The following CYP7B1 variants were observed in gnomAD, a reference collection of about 807,000 sequenced individuals.
CYP7B1 encodes the protein cytochrome P450 family 7 subfamily B member 1.
Under a neutral mutation model 42.7 loss-of-function variants are expected in CYP7B1, and 29 were observed. The observed-to-expected ratio is 0.68, with a 90% confidence interval of 0.51 to 0.93. The LOEUF (loss-of-function observed/expected upper bound fraction) is 0.93. Ranked by LOEUF, CYP7B1 falls within the 40% of genes least tolerant of loss-of-function variation. The pLI is 0.00. For missense variants in CYP7B1, 655 were observed against 600.5 expected (o/e 1.09, Z -0.95); for synonymous variants, 235 against 218.2 (o/e 1.08, Z -0.68).
At chr8:64,653,593 C>T (rs1806072755) in intron 1 of CYP7B1, among the ~76,000 whole-genome samples, 1 of 152,082 alleles carries the variant, frequency 6.6e-6, no homozygotes, top group African/African-American at 2.4e-5. Context: ...TGGTACAATT[C>T]CTACTGAAAC....
intron 4 of CYP7B1, among the ~76,000 whole-genome samples, chr8:64,606,280 C>G (rs1447076051): frequency 6.6e-6 from 1 of 152,168 alleles, no homozygotes; most frequent in Non-Finnish European, 1.5e-5. Context: ...CCACGAGGCA[C>G]CTGACACGAT....
intron 2 of CYP7B1, among the ~76,000 whole-genome samples, chr8:64,618,552 C>A (rs1381204046): frequency 6.6e-6 from 1 of 150,546 alleles, no homozygotes; most frequent in Non-Finnish European, 1.5e-5. Context: ...ACAATCATTA[C>A]AAATACACAC....
chr8:64,600,950 C>T (rs1805193693), intron 5 of CYP7B1, among the ~76,000 whole-genome samples: 1 of 152,164 alleles, frequency 6.6e-6, no homozygotes, highest in African/African-American at 2.4e-5. Flanking sequence ...TTCTTTGTCA[C>T]TCACTATGCC....
intron 4 of CYP7B1, among the ~76,000 whole-genome samples, chr8:64,605,577 C>T (rs1283850948): frequency 6.6e-6 from 1 of 152,096 alleles, no homozygotes; most frequent in Non-Finnish European, 1.5e-5. Flanking sequence ...GCAATTTATC[C>T]TGGCAGTTTG....
At chr8:64,642,921 T>C (rs866934147) in intron 1 of CYP7B1, among the ~76,000 whole-genome samples, 14 of 151,998 alleles carry the variant, frequency 9.2e-5, no homozygotes, top group South Asian at 4.2e-4. Flanking sequence ...TTTGGACATA[T>C]GTCTGTTTAT....
Position 64,655,409 on chromosome 8 carries a change from C to T in CYP7B1, c.123-30870G>A, listed in dbSNP as rs184061586. Among the ~76,000 whole-genome samples the T allele has an allele frequency of 5.9e-4, 90 of 151,994 alleles. 1 individual carries two copies. The Middle Eastern group carries it at 0.017, about 29-fold the overall frequency. ...AGAAGACATACATGTGGCCAACAAGCGTATGAAAAAAAGCTCAATATCACT... is the reference window on the plus strand; with the variant it reads ...AGAAGACATACATGTGGCCAACAAGTGTATGAAAAAAAGCTCAATATCACT... On this transcript the variant is annotated intron_variant, in intron 1 of 5. Coordinates refer to ENST00000310193, the MANE Select transcript of CYP7B1 (RefSeq NM_004820.5).
intron 2 of CYP7B1, among the ~76,000 whole-genome samples, chr8:64,617,384 C>A (rs1399940448): frequency 6.6e-6 from 1 of 152,088 alleles, no homozygotes; most frequent in Non-Finnish European, 1.5e-5. Flanking sequence ...GCTTGTTTAC[C>A]ATCTGCATTT....
In CYP7B1 at chr8:64,689,503, C is replaced by A. The variant is rs557502221; in HGVS notation, c.123-64964G>T. Among the ~76,000 whole-genome samples the A allele has an allele frequency of 5.3e-5, 8 of 152,262 alleles. No individual in the cohort carries two copies. In the South Asian group the frequency reaches 8.3e-4, roughly 16 times the overall value. On this transcript the variant is annotated intron_variant, in intron 1 of 5. Transcript: ENST00000310193. ...ATGAAATTGGTCCATGTTGAAATAT[C>A]CATTGTTTTTATAGGTTATATGCAA...
At position 64,595,858 on chromosome 8, in the gene CYP7B1, T is replaced by A. The variant is rs189335278; in HGVS notation, c.*784A>T. Among the ~76,000 whole-genome samples the A allele has an allele frequency of 6.6e-6, 1 of 152,358 alleles. No individual in the cohort carries two copies. On this transcript the variant is annotated 3_prime_UTR_variant, in exon 6 of 6. Transcript: ENST00000310193. Reference sequence around the variant, plus strand: ...TTTATACTAAAGCCAAATGATATAATCAATGCTGTAATTATTTCAACATTT... The same window carrying A: ...TTTATACTAAAGCCAAATGATATAAACAATGCTGTAATTATTTCAACATTT...
chr8:64,781,425 A>C (rs1563426262), intron 1 of CYP7B1, among the ~76,000 whole-genome samples: 1 of 152,158 alleles, frequency 6.6e-6, no homozygotes, highest in South Asian at 2.1e-4. Context: ...CTGGGCTAAA[A>C]ATCACAGTAT....
At chr8:64,678,061 T>G (rs568083088) in intron 1 of CYP7B1, among the ~76,000 whole-genome samples, 1 of 152,254 alleles carries the variant, frequency 6.6e-6, no homozygotes, top group South Asian at 2.1e-4. Context: ...ATTCTCCCGC[T>G]CTGCCTAAAC....
At chr8:64,639,665 A>T (rs954100749) in intron 1 of CYP7B1, among the ~76,000 whole-genome samples, 1 of 152,134 alleles carries the variant, frequency 6.6e-6, no homozygotes, top group Admixed American at 6.6e-5. Context: ...GCTGGCGGGA[A>T]TATAAAATAG....
chr8:64,698,381 T>C (rs1585863258), intron 1 of CYP7B1, among the ~76,000 whole-genome samples: 1 of 152,092 alleles, frequency 6.6e-6, no homozygotes, highest in African/African-American at 2.4e-5. Flanking sequence ...CTCTTTCCCC[T>C]CACTAGAAAA....
intron 4 of CYP7B1, 130 bp from the exon 5 acceptor site, chr8:64,604,987 A>C (rs1174186087): frequency 3.6e-6 from 4 of 1,103,200 alleles, no homozygotes; most frequent in Admixed American, 4.0e-5. Context: ...ACATACATTG[A>C]GCACCAAGAG....
chr8:64,711,192 C>T (rs1347594576), intron 1 of CYP7B1, among the ~76,000 whole-genome samples: 2 of 152,182 alleles, frequency 1.3e-5, no homozygotes, highest in African/African-American at 4.8e-5. Flanking sequence ...GCCCTTAACT[C>T]TAATGATAGT....
At chr8:64,665,848 T>A (rs562966643) in intron 1 of CYP7B1, among the ~76,000 whole-genome samples, 2 of 152,232 alleles carry the variant, frequency 1.3e-5, no homozygotes, top group Non-Finnish European at 2.9e-5. Flanking sequence ...AGTGTCAGGA[T>A]TACAGGCGTG....
intron 1 of CYP7B1, among the ~76,000 whole-genome samples, chr8:64,745,856 T>G (rs1043140500): frequency 6.6e-6 from 1 of 152,186 alleles, no homozygotes; most frequent in African/African-American, 2.4e-5. Flanking sequence ...GCAAGTGAAT[T>G]GCTTAGAAAC....
intron 2 of CYP7B1, among the ~76,000 whole-genome samples, chr8:64,619,785 C>A (rs1039513464): frequency 1.3e-5 from 2 of 152,120 alleles, no homozygotes; most frequent in African/African-American, 2.4e-5. Context: ...CAGTCATTCA[C>A]CCTAATGTCA....
chr8:64,726,169 T>G (rs1807321321), intron 1 of CYP7B1, among the ~76,000 whole-genome samples: 1 of 152,138 alleles, frequency 6.6e-6, no homozygotes, highest in Non-Finnish European at 1.5e-5. Context: ...TCTACCCCTC[T>G]GATCTTTAAA....
Sources: gnomAD v4.1 joint callset for allele counts (sites outside exome capture counted in the v4.1 genomes callset) on GRCh38, gnomAD v4.1.1 for gene constraint, MANE v1.5 for transcripts, NCBI Gene and HGNC (gene_info 2026-07-23, HGNC 2026-07-21) for gene names.